Variants in PARD3 observed in about 807,000 individuals in gnomAD.
PARD3 encodes partitioning defective 3 homolog.
In PARD3, 75 loss-of-function variants were observed where a neutral mutation model predicts 155.4. That is an observed-to-expected ratio of 0.48 (90% CI 0.40 to 0.58). The LOEUF is 0.58. PARD3 is among the 20% of genes least tolerant of loss of function. The pLI is 0.00. For missense variants in PARD3, 1,642 were observed against 1,721.7 expected (o/e 0.95, Z 0.82); for synonymous variants, 576 against 610.5 (o/e 0.94, Z 0.83).
rs764602683 is a variant in PARD3 at position 34,111,327 on chromosome 10, C to G, written c.3904G>C (p.Glu1302Gln). Residue 1302 changes from glutamate (E) to glutamine (Q), a missense_variant, in exon 25 of 25, where the codon GAG (glutamate) becomes CAG (glutamine). By Grantham distance (29) the Glu-to-Gln change is conservative. Around this residue, in one of 3 missense-constraint regions of PARD3, gnomAD observed 1,529 missense variants for 1,587.3 expected, o/e 0.96. Transcript: ENST00000374788. ...TACGAGTCATAGTTGCTGGGCCCCT[C>G]GGAAGGAGGCTGCTTCTTCATCTGC... Reference protein sequence around the residue: ...EQQMKKQPPSEGPSNYDSYKK... With the variant: ...EQQMKKQPPSQGPSNYDSYKK... 1.4e-5 allele frequency: 22 copies of G among 1,613,808 alleles called. No homozygotes were observed. Among genetic ancestry groups the G allele is most frequent in the Non-Finnish European group, 1.9e-5 (22 of 1,179,864 alleles).
chr10:34,490,622 A>C (rs571944568), intron 3 of PARD3, among the ~76,000 whole-genome samples: 1 of 152,304 alleles, frequency 6.6e-6, no homozygotes, highest in Admixed American at 6.5e-5. Context: ...ATTTTCACCA[A>C]AAGAGTCTTC....
intron 2 of PARD3, among the ~76,000 whole-genome samples, chr10:34,669,248 G>A (rs1440926511): frequency 6.6e-6 from 1 of 151,986 alleles, no homozygotes; most frequent in East Asian, 1.9e-4. Context: ...AAGAAAATGT[G>A]GTATACAGAC....
intron 2 of PARD3, among the ~76,000 whole-genome samples, chr10:34,521,364 C>CAAA (rs35030184): frequency 2.8e-4 from 25 of 90,480 alleles, no homozygotes; most frequent in African/African-American, 8.2e-4. Context: ...AGTAACACAG[C>CAAA]AAAAAAAAAA....
At chr10:34,761,067 C>G (rs896649373) in intron 1 of PARD3, among the ~76,000 whole-genome samples, 2 of 149,436 alleles carry the variant, frequency 1.3e-5, no homozygotes, top group Non-Finnish European at 3.0e-5. Context: ...CAACCAAAAA[C>G]AAAAAAAAAG....
intron 2 of PARD3, among the ~76,000 whole-genome samples, chr10:34,586,923 T>C (rs2088118155): frequency 6.6e-6 from 1 of 152,096 alleles, no homozygotes; most frequent in South Asian, 2.1e-4. Flanking sequence ...CACTCCAGCC[T>C]GGGCAACAAG....
At chr10:34,643,664 A>C (rs963911335) in intron 2 of PARD3, among the ~76,000 whole-genome samples, 1 of 152,206 alleles carries the variant, frequency 6.6e-6, no homozygotes. Flanking sequence ...TCACACCTAT[A>C]ATCAGTCTGA....
In PARD3 at chr10:34,125,071, C is replaced by CTTTTTTTTTT. The variant is rs71523316; in HGVS notation, c.3541-5341_3541-5332dup. On this transcript the variant is annotated intron_variant, in intron 23 of 24. Transcript: ENST00000374788. ...GGCTTATCTCCAGGTCTATTTCTTT[C>CTTTTTTTTTT]TTTTTTTTTTTTTGAGACGGAGTCT... is the stretch of plus-strand genomic sequence containing the variant. Among the ~76,000 whole-genome samples, 364 of 140,596 alleles carry CTTTTTTTTTT rather than the reference C, an allele frequency of 2.6e-3. 4 individuals are homozygous for CTTTTTTTTTT. Among genetic ancestry groups the CTTTTTTTTTT allele is most frequent in the African/African-American group, 9.5e-3 (342 of 35,872 alleles). The allele number at this position is 140,596 out of a possible 152,430, so 92.2% of individuals were successfully genotyped here. A position where few individuals can be genotyped will look rare whatever the true frequency, so the allele number is the denominator to read the frequency against.
At chr10:34,725,319 A>G (rs2094688133) in intron 1 of PARD3, among the ~76,000 whole-genome samples, 1 of 151,876 alleles carries the variant, frequency 6.6e-6, no homozygotes, top group Non-Finnish European at 1.5e-5. Flanking sequence ...CGCCTGGCTA[A>G]TTTTTGTATT....
chr10:34,408,489 T>C (rs1439649703), intron 5 of PARD3, among the ~76,000 whole-genome samples: 1 of 152,192 alleles, frequency 6.6e-6, no homozygotes, highest in East Asian at 1.9e-4. Context: ...CACTTTTTCT[T>C]TGGATTACAT....
At chr10:34,446,748 T>C (rs1219749490) in intron 5 of PARD3, among the ~76,000 whole-genome samples, 2 of 152,186 alleles carry the variant, frequency 1.3e-5, no homozygotes, top group African/African-American at 4.8e-5. Flanking sequence ...TATGACAAAA[T>C]TAGGACATTT....
At chr10:34,345,613 G>A in intron 15 of PARD3, 1 of 985,262 alleles carries the variant, frequency 1.0e-6, no homozygotes, top group Non-Finnish European at 1.2e-6. Flanking sequence ...ATTGGTTTAG[G>A]CGAATGGAAA....
Position 34,111,475 on chromosome 10 carries a change from C to T in PARD3, c.3756G>A (p.Glu1252=), listed in dbSNP as rs144844232. Residue 1252 remains glutamate (E), a synonymous_variant, in exon 25 of 25, where the codon GAG becomes GAA. Transcript: ENST00000374788. ...CTTGGTAGCTGGAGTACCTGGGGTTCTCTTTGGCACTCTGGAAGCCTTCCC... is the reference window on the plus strand; with the variant it reads ...CTTGGTAGCTGGAGTACCTGGGGTTTTCTTTGGCACTCTGGAAGCCTTCCC... The part of the protein sequence containing the change: ...SPGEGFQSAK[E]NPRYSSYQGS... The T allele has an allele frequency of 2.6e-3, 4,168 of 1,614,110 alleles. 14 individuals carry two copies. The highest frequency in any genetic ancestry group is 3.2e-3 in the Non-Finnish European group (3,826 of 1,180,000).
intron 3 of PARD3, among the ~76,000 whole-genome samples, chr10:34,501,508 G>T (rs1385702877): frequency 6.6e-6 from 1 of 152,120 alleles, no homozygotes; most frequent in Non-Finnish European, 1.5e-5. Flanking sequence ...TTATAGCAAT[G>T]TAAGAATGGG....
At chr10:34,371,858 G>A (rs1840701630) in intron 12 of PARD3, among the ~76,000 whole-genome samples, 1 of 152,040 alleles carries the variant, frequency 6.6e-6, no homozygotes, top group Non-Finnish European at 1.5e-5. Context: ...TCATCACAGA[G>A]ACTGATAGAG....
At chr10:34,257,731 AC>A (rs1428936987) in intron 22 of PARD3, among the ~76,000 whole-genome samples, 1 of 152,142 alleles carries the variant, frequency 6.6e-6, no homozygotes, top group Non-Finnish European at 1.5e-5. Flanking sequence ...TAAATAAACA[AC>A]CCCCATTACA....
intron 19 of PARD3, among the ~76,000 whole-genome samples, chr10:34,324,574 G>C (rs562054987): frequency 1.8e-4 from 27 of 152,296 alleles, no homozygotes; most frequent in African/African-American, 6.5e-4. Context: ...GGCACATCTA[G>C]AGACAGGAGG....
At chr10:34,138,959 C>T (rs959719634) in intron 22 of PARD3, among the ~76,000 whole-genome samples, 2 of 116,862 alleles carry the variant, frequency 1.7e-5, no homozygotes, top group Admixed American at 7.9e-5. Context: ...CAATACCACA[C>T]TCCAAAAAAA....
chr10:34,570,472 A>G (rs1397695494), intron 2 of PARD3, among the ~76,000 whole-genome samples: 1 of 152,170 alleles, frequency 6.6e-6, no homozygotes, highest in Non-Finnish European at 1.5e-5. Context: ...CACAGAATAG[A>G]CTTTTCAAAA....
intron 20 of PARD3, among the ~76,000 whole-genome samples, chr10:34,295,164 C>A (rs976080354): frequency 4.6e-5 from 7 of 152,258 alleles, no homozygotes; most frequent in African/African-American, 1.4e-4. Context: ...CCAGGATGTA[C>A]AGCACTAAAT....
Sources: gnomAD v4.1 joint callset for allele counts (sites outside exome capture counted in the v4.1 genomes callset) on GRCh38, gnomAD v4.1.1 for gene constraint, gnomAD v4.1.1 regional missense constraint, MANE v1.5 for transcripts, NCBI Gene and HGNC (gene_info 2026-07-23, HGNC 2026-07-21) for gene names.